The following PTPRN2 variants were observed in gnomAD, a reference collection of about 807,000 sequenced individuals.
PTPRN2 encodes protein tyrosine phosphatase receptor type N2.
Under a neutral mutation model 118.8 loss-of-function variants are expected in PTPRN2, and 74 were observed. The ratio of observed to expected loss-of-function variants is 0.62; its 90% CI spans 0.52 to 0.76. The LOEUF is 0.76. PTPRN2 is among the 30% of genes least tolerant of loss of function. PTPRN2 has a pLI of 0.00. For missense variants in PTPRN2, 1,481 were observed against 1,394.4 expected, an observed-to-expected ratio of 1.06 and a Z score of -0.99; for synonymous variants, 641 against 608.0, an observed-to-expected ratio of 1.05 and a Z score of -0.80.
Position 157,977,379 on chromosome 7 carries a change from G to T in PTPRN2, c.1724-78642C>A, listed in dbSNP as rs1022773257. Among the ~76,000 whole-genome samples, 3 of 151,884 alleles carry T rather than the reference G, an allele frequency of 2.0e-5. No homozygotes were observed. Among genetic ancestry groups the T allele is most frequent in the Non-Finnish European group, 4.4e-5 (3 of 67,938 alleles). ...GGTTAATGTGCTCTGGAGTGACAGG[G>T]GTGGGAGGGGTTTATCAGAGATCTG... On this transcript the variant is annotated intron_variant, in intron 11 of 22. Transcript: ENST00000389418. This position sits in a 1 kb window ranked among gnomAD's most constrained non-coding sequence, Gnocchi z 4.6.
chr7:158,470,048 G>T (rs1163687763), intron 2 of PTPRN2, among the ~76,000 whole-genome samples: 1 of 152,214 alleles, frequency 6.6e-6, no homozygotes, highest in Non-Finnish European at 1.5e-5. Context: ...CCTCATAAAA[G>T]AATTGGGAGC....
chr7:158,090,874 T>G (rs904415175), intron 10 of PTPRN2, among the ~76,000 whole-genome samples: 1 of 152,246 alleles, frequency 6.6e-6, no homozygotes, highest in Admixed American at 6.5e-5. Flanking sequence ...TTTGTTGTCT[T>G]AGCAATCATA....
At chr7:157,701,598 G>C (rs58976504) in intron 12 of PTPRN2, among the ~76,000 whole-genome samples, 1 of 152,176 alleles carries the variant, frequency 6.6e-6, no homozygotes, top group Non-Finnish European at 1.5e-5. Flanking sequence ...GTCACTCAGC[G>C]CTGCCCCCAG....
At chr7:158,283,745 G>C (rs969180252) in intron 3 of PTPRN2, among the ~76,000 whole-genome samples, 7 of 152,082 alleles carry the variant, frequency 4.6e-5, no homozygotes, top group Admixed American at 2.6e-4. Flanking sequence ...CACAGAGACA[G>C]GCCACCACCA....
chr7:157,563,050 G>A lies in PTPRN2; in HGVS notation c.2902+5852C>T, dbSNP rs866529011. Reference sequence around the variant, plus strand: ...CAGCAGATCAGGACCACATGCTCCCGCATCACCACACACCACAGATCAGGA... The same window carrying A: ...CAGCAGATCAGGACCACATGCTCCCACATCACCACACACCACAGATCAGGA... On this transcript the variant is annotated intron_variant, in intron 21 of 22. Coordinates refer to ENST00000389418, the MANE Select transcript of PTPRN2 (RefSeq NM_002847.5). 5.9e-5 allele frequency among the ~76,000 whole-genome samples: 6 copies of A among 102,184 alleles called. 1 individual carries two copies. Among genetic ancestry groups the A allele is most frequent in the South Asian group, 3.5e-4 (1 of 2,840 alleles). The allele number at this position is 102,184 out of a possible 152,430, so 67.0% of individuals were successfully genotyped here.
chr7:158,061,158 C>T (rs1298790172), intron 11 of PTPRN2, among the ~76,000 whole-genome samples: 2 of 152,240 alleles, frequency 1.3e-5, no homozygotes, highest in African/African-American at 2.4e-5. Flanking sequence ...CGCCGTCGGG[C>T]GGTGACTGAT....
intron 12 of PTPRN2, among the ~76,000 whole-genome samples, chr7:157,882,488 GAGATC>G (rs1796194859): frequency 6.7e-6 from 1 of 148,474 alleles, no homozygotes; most frequent in African/African-American, 2.5e-5. Flanking sequence ...ATGACTGTCG[GAGATC>G]AGAACATACC....
intron 11 of PTPRN2, among the ~76,000 whole-genome samples, chr7:158,074,468 C>G (rs1812194181): frequency 6.6e-6 from 1 of 152,204 alleles, no homozygotes; most frequent in Non-Finnish European, 1.5e-5. Context: ...TCATGTTTTT[C>G]AGAAGCGGGT....
intron 2 of PTPRN2, among the ~76,000 whole-genome samples, chr7:158,336,450 A>G (rs1352211408): frequency 3.7e-4 from 9 of 24,618 alleles, no homozygotes; most frequent in East Asian, 2.8e-3. Context: ...ACACCCACAC[A>G]TGTCACTCAC....
chr7:157,614,105 G>A (rs574866434), intron 15 of PTPRN2: 184 of 471,400 alleles, frequency 3.9e-4, no homozygotes, highest in Non-Finnish European at 6.1e-4. Context: ...GAAAGAGGTG[G>A]GAGGAGGAAA....
chr7:157,902,103 T>C (rs987033111), intron 11 of PTPRN2, among the ~76,000 whole-genome samples: 9 of 152,212 alleles, frequency 5.9e-5, no homozygotes, highest in Non-Finnish European at 1.0e-4. Flanking sequence ...CCACCCTGAA[T>C]TGGCAGTGCA....
intron 3 of PTPRN2, among the ~76,000 whole-genome samples, chr7:158,247,183 C>T (rs1032935338): frequency 3.3e-5 from 5 of 152,180 alleles, no homozygotes; most frequent in South Asian, 2.1e-4. Flanking sequence ...GAGCGTGGCC[C>T]GTGGGTGGCA....
intron 2 of PTPRN2, among the ~76,000 whole-genome samples, chr7:158,368,394 A>G (rs1809691717): frequency 6.6e-6 from 1 of 152,190 alleles, no homozygotes; most frequent in Admixed American, 6.5e-5. Context: ...TTCTTGAAAA[A>G]GAAAAAATGG....
chr7:157,814,338 GTGCCGCC>G (rs1357564775), intron 12 of PTPRN2, among the ~76,000 whole-genome samples: 7 of 152,150 alleles, frequency 4.6e-5, no homozygotes, highest in Non-Finnish European at 8.8e-5. Context: ...CACGTCCACG[GTGCCGCC>G]TGACAGCAAT....
intron 1 of PTPRN2, among the ~76,000 whole-genome samples, chr7:158,551,447 T>C (rs1256150206): frequency 6.7e-6 from 1 of 148,232 alleles, no homozygotes; most frequent in Non-Finnish European, 1.5e-5. Context: ...TGGGGGGCCC[T>C]GCCTAACCCA....
rs1159422093 is a variant in PTPRN2 at position 158,071,421 on chromosome 7, G to A, written c.1723+9877C>T. On this transcript the variant is annotated intron_variant, in intron 11 of 22. Transcript: ENST00000389418. Reference sequence around the variant, plus strand: ...GCTCGTGGTGGAGTTGCTCCTGGTGGTGGAGGTGCTCGTGGTGGTGGAGGT... The same window carrying A: ...GCTCGTGGTGGAGTTGCTCCTGGTGATGGAGGTGCTCGTGGTGGTGGAGGT... Among the ~76,000 whole-genome samples, 83 of 118,720 alleles carry A rather than the reference G, an allele frequency of 7.0e-4. 1 individual carries two copies. The highest frequency in any genetic ancestry group is 1.1e-3 in the Non-Finnish European group (61 of 55,012). The allele number at this position is 118,720 out of a possible 152,430, so 77.9% of individuals were successfully genotyped here.
At chr7:158,414,956 A>G (rs1457203101) in intron 2 of PTPRN2, among the ~76,000 whole-genome samples, 1 of 151,478 alleles carries the variant, frequency 6.6e-6, no homozygotes, top group Non-Finnish European at 1.5e-5. Flanking sequence ...CTCCAGCCAT[A>G]ATACAACCAG....
chr7:158,186,109 G>A (rs1282954404), intron 5 of PTPRN2, among the ~76,000 whole-genome samples: 2 of 152,166 alleles, frequency 1.3e-5, no homozygotes, highest in Non-Finnish European at 2.9e-5. Flanking sequence ...TGCACAGCCT[G>A]TCTCTCAAAT....
chr7:158,416,458 T>C (rs573961291), intron 2 of PTPRN2, among the ~76,000 whole-genome samples: 1 of 152,192 alleles, frequency 6.6e-6, no homozygotes, highest in Non-Finnish European at 1.5e-5. Context: ...TTAACAGCCA[T>C]GTGGGATTGG....
Sources: gnomAD v4.1 joint callset for allele counts (sites outside exome capture counted in the v4.1 genomes callset) on GRCh38, gnomAD v4.1.1 for gene constraint, Gnocchi (gnomAD v3.1) non-coding constraint, MANE v1.5 for transcripts, NCBI Gene and HGNC (gene_info 2026-07-23, HGNC 2026-07-21) for gene names.